The following TUBGCP5 variants were observed in gnomAD, a reference collection of about 807,000 sequenced individuals.
TUBGCP5 encodes gamma-tubulin complex component 5.
A neutral mutation model predicts 134.7 loss-of-function variants in TUBGCP5; 98 were observed. That is an observed-to-expected ratio of 0.73 (90% CI 0.62 to 0.86). The LOEUF (loss-of-function observed/expected upper bound fraction) is 0.86, where lower values mean the gene tolerates loss of function less well. Ranked by LOEUF, TUBGCP5 falls within the 40% of genes least tolerant of loss-of-function variation. The probability of loss-of-function intolerance (pLI) is 0.00; values close to 1 mark genes in which losing one functional copy is unlikely to be tolerated. For synonymous variants in TUBGCP5, 456 were observed against 431.4 expected, an observed-to-expected ratio of 1.06 and a Z score of -0.71; for missense variants, 1,150 against 1,244.8, an observed-to-expected ratio of 0.92 and a Z score of 1.15.
chr15:23,003,665 A>G (rs1595823941), intron 20 of TUBGCP5, among the ~76,000 whole-genome samples: 2 of 120,976 alleles, frequency 1.7e-5, no homozygotes, highest in Admixed American at 1.0e-4. Flanking sequence ...TTTTTTTAAG[A>G]GACAAGGTCT....
chr15:23,009,123 G>A (rs879532761), intron 15 of TUBGCP5, among the ~76,000 whole-genome samples: 1 of 151,756 alleles, frequency 6.6e-6, no homozygotes, highest in Non-Finnish European at 1.5e-5. Context: ...TCACAAAAAT[G>A]TAACAAAAAA....
chr15:23,024,908 T>A, intron 8 of TUBGCP5, 78 bp from the exon 9 acceptor site: 2 of 906,120 alleles, frequency 2.2e-6, no homozygotes, highest in Non-Finnish European at 3.5e-6. Flanking sequence ...GGACATTTTT[T>A]TTTTTTTTTG....
At chr15:22,991,046 G>A (rs1304894435) in intron 23 of TUBGCP5, among the ~76,000 whole-genome samples, 1 of 152,064 alleles carries the variant, frequency 6.6e-6, no homozygotes, top group African/African-American at 2.4e-5. Context: ...CCAGGTTTAT[G>A]GTAATGTGTT....
intron 4 of TUBGCP5, among the ~76,000 whole-genome samples, 158 bp from the exon 5 acceptor site, chr15:23,032,187 T>C (rs1313879463): frequency 1.3e-5 from 2 of 152,230 alleles, no homozygotes; most frequent in Non-Finnish European, 2.9e-5. Flanking sequence ...TAAAACATTT[T>C]ACATTTTAAT....
At position 23,022,070 on chromosome 15, in the gene TUBGCP5, T is replaced by C. The variant is rs767066785; in HGVS notation, c.1260A>G (p.Val420=). 4 of 1,614,194 alleles carry C rather than the reference T, an allele frequency of 2.5e-6. 1 individual carries two copies. Among genetic ancestry groups the C allele is most frequent in the African/African-American group, 2.7e-5 (2 of 75,052 alleles). The change falls in exon 11 of 23, where the codon GTA becomes GTG. Residue 420 remains valine (V), a synonymous_variant. Coordinates refer to ENST00000615383, the MANE Select transcript of TUBGCP5 (RefSeq NM_052903.6). ...KVLHKVFSTG[V]AEVPPDTRNV... ...TTCGAGTATCAGGTGGAACTTCTGCTACTCCAGTACTAAACACTTTGTGCA... is the reference window on the plus strand; with the variant it reads ...TTCGAGTATCAGGTGGAACTTCTGCCACTCCAGTACTAAACACTTTGTGCA...
chr15:22,996,616 T>TA (rs1230486115), downstream of TUBGCP5, among the ~76,000 whole-genome samples: 5 of 151,956 alleles, frequency 3.3e-5, no homozygotes, highest in African/African-American at 1.2e-4. Flanking sequence ...CTTCCCAGAG[T>TA]AGGTGGGACT....
At chr15:23,005,852 C>T (rs1043682966) in intron 18 of TUBGCP5, 200 bp downstream of exon 18, 4 of 674,464 alleles carry the variant, frequency 5.9e-6, no homozygotes, top group African/African-American at 5.4e-5. Context: ...CCTGATCTTT[C>T]TTTCAGGCAT....
At position 23,033,110 on chromosome 15, in the gene TUBGCP5, G is replaced by C. The variant is rs12595224; in HGVS notation, c.310-286C>G. On this transcript the variant is annotated intron_variant, in intron 3 of 22. Coordinates refer to ENST00000615383, the MANE Select transcript of TUBGCP5 (RefSeq NM_052903.6). ...TTCTAAAACGACGGAAATGTCTTTA[G>C]AGTATAACATTATGGTTAAAAATTA... Among the ~76,000 whole-genome samples the C allele has an allele frequency of 0.089, 13,507 of 152,130 alleles. 1,067 individuals carry two copies. The highest frequency in any genetic ancestry group is 0.46 in the East Asian group (2,361 of 5,164).
intron 6 of TUBGCP5, among the ~76,000 whole-genome samples, chr15:23,028,419 C>A (rs1408234666): frequency 4.1e-5 from 6 of 147,076 alleles, no homozygotes; most frequent in African/African-American, 1.2e-4. Flanking sequence ...AAAATTGAAT[C>A]CGATCTAAAA....
intron 22 of TUBGCP5, chr15:23,000,359 A>G: frequency 7.7e-7 from 1 of 1,295,516 alleles, no homozygotes; most frequent in Non-Finnish European, 9.8e-7. Context: ...AATAAATGGT[A>G]TACCAGAAAG....
chr15:23,025,688 G>A (rs1483300944), intron 8 of TUBGCP5, among the ~76,000 whole-genome samples: 5 of 152,020 alleles, frequency 3.3e-5, no homozygotes, highest in South Asian at 2.1e-4. Flanking sequence ...AAAATTAGCC[G>A]GGCTTGGTGG....
rs779228101 is a variant in TUBGCP5, at chr15:23,031,934, AACT to A, written c.486+13_486+15del. The A allele has an allele frequency of 1.9e-6, 3 of 1,587,504 alleles. No homozygotes were observed. The highest frequency in any genetic ancestry group is 1.3e-5 in the African/African-American group (1 of 74,190). ...CGTGTATTTCAATTTTCAATAGCAAAACTACTACCACTTACTGGTGTGTCCATG... is the reference window on the plus strand; with the variant it reads ...CGTGTATTTCAATTTTCAATAGCAAAACTACCACTTACTGGTGTGTCCATG... On this transcript the variant is annotated intron_variant, in intron 5 of 22. Coordinates refer to ENST00000615383, the MANE Select transcript of TUBGCP5 (RefSeq NM_052903.6).
intron 15 of TUBGCP5, among the ~76,000 whole-genome samples, chr15:23,009,577 TA>T (rs1183626660): frequency 1.3e-5 from 2 of 152,198 alleles, no homozygotes; most frequent in African/African-American, 4.8e-5. Flanking sequence ...CTAATTGCCA[TA>T]ATTTTTATGA....
chr15:22,991,134 G>A (rs1027304564), intron 23 of TUBGCP5, among the ~76,000 whole-genome samples: 17 of 151,000 alleles, frequency 1.1e-4, no homozygotes, highest in Non-Finnish European at 2.2e-4. Context: ...AGTCTCGCGC[G>A]CTCACCAGGC....
At chr15:23,006,505 C>T (rs529772631) in intron 16 of TUBGCP5, among the ~76,000 whole-genome samples, 153 bp from the exon 17 acceptor site, 16 of 152,296 alleles carry the variant, frequency 1.1e-4, no homozygotes, top group African/African-American at 3.6e-4. Flanking sequence ...TGTATCTCTT[C>T]TAACATATAT....
chr15:23,015,426 G>A (rs1388540409), intron 13 of TUBGCP5, among the ~76,000 whole-genome samples: 1 of 150,530 alleles, frequency 6.6e-6, no homozygotes, highest in Non-Finnish European at 1.5e-5. Context: ...TGGATTGCTT[G>A]AGGCTAGGAG....
chr15:23,005,545 C>T lies in TUBGCP5; in HGVS notation c.2599G>A (p.Ala867Thr). The T allele has an allele frequency of 6.2e-7, 1 of 1,614,180 alleles. No homozygotes were observed. Among genetic ancestry groups the T allele is most frequent in the Non-Finnish European group, 8.5e-7 (1 of 1,180,036 alleles). ...GGTTCTTTTTGTGGTCCGAACTGAG[C>T]AACTGTGTCTTGTTCATGTATAAGG... ...EGLIHEQDTV[A>T]QFGPQKEPVR... The change falls in exon 19 of 23, where the codon GCT (alanine) becomes ACT (threonine). Residue 867 changes from alanine (A) to threonine (T), a missense_variant. Around this residue, in one of 2 missense-constraint regions of TUBGCP5, gnomAD observed 697 missense variants for 850.1 expected, o/e 0.82. Transcript: ENST00000615383.
chr15:23,019,355 G>T, intron 11 of TUBGCP5, 21 bp from the exon 12 acceptor site: 1 of 1,548,026 alleles, frequency 6.5e-7, no homozygotes, highest in Non-Finnish European at 8.9e-7. Flanking sequence ...GAGTGTGCAC[G>T]GTCAGCTCTC....
chr15:22,998,120 G>A (rs1192197592), downstream of TUBGCP5, among the ~76,000 whole-genome samples: 1 of 151,928 alleles, frequency 6.6e-6, no homozygotes, highest in African/African-American at 2.4e-5. Context: ...TTCGACACCA[G>A]TCTGGCCAAC....
Sources: allele counts gnomAD v4.1 joint callset (sites outside exome capture counted in the v4.1 genomes callset), GRCh38; gene constraint gnomAD v4.1.1; regional missense constraint gnomAD v4.1.1; transcripts MANE v1.5; gene names NCBI Gene and HGNC (gene_info 2026-07-23, HGNC 2026-07-21).